The following ESCO1 variants were observed in gnomAD, a reference collection of about 807,000 sequenced individuals.
ESCO1 encodes N-acetyltransferase ESCO1.
Under a neutral mutation model 83.5 loss-of-function variants are expected in ESCO1, and 33 were observed. The ratio of observed to expected loss-of-function variants is 0.40; its 90% confidence interval spans 0.30 to 0.53. The LOEUF (loss-of-function observed/expected upper bound fraction) is 0.53, where lower values mean the gene tolerates loss of function less well. Among genes scored for constraint, ESCO1 ranks in the 20% least tolerant of loss-of-function variants. ESCO1 has a pLI of 0.63. For synonymous variants in ESCO1, 332 were observed against 324.3 expected (o/e 1.02, Z -0.25); for missense variants, 855 against 968.0 (o/e 0.88, Z 1.55).
intron 8 of ESCO1, among the ~76,000 whole-genome samples, chr18:21,552,446 C>T (rs1335912200): frequency 6.6e-6 from 1 of 152,156 alleles, no homozygotes; most frequent in African/African-American, 2.4e-5. Flanking sequence ...TCCCCGTTTG[C>T]TCGGCACTTC....
intron 7 of ESCO1, among the ~76,000 whole-genome samples, chr18:21,561,268 T>C (rs1342571761): frequency 1.3e-5 from 2 of 152,148 alleles, no homozygotes; most frequent in African/African-American, 2.4e-5. Context: ...AAGCCCCAAA[T>C]AGGAAATACT....
intron 1 of ESCO1, among the ~76,000 whole-genome samples, chr18:21,589,800 G>C (rs2038637138): frequency 6.6e-6 from 1 of 151,798 alleles, no homozygotes; most frequent in Admixed American, 6.6e-5. Context: ...AATTTGCACA[G>C]ATCCATTCCC....
intron 1 of ESCO1, among the ~76,000 whole-genome samples, chr18:21,596,571 G>A (rs376824116): frequency 1.4e-4 from 21 of 151,982 alleles, no homozygotes; most frequent in African/African-American, 4.3e-4. Context: ...GGTGTCTCAC[G>A]CCTGTAATCC....
chr18:21,553,998 C>T (rs2038081086), intron 8 of ESCO1, among the ~76,000 whole-genome samples: 1 of 151,688 alleles, frequency 6.6e-6, no homozygotes, highest in Non-Finnish European at 1.5e-5. Flanking sequence ...GGGCAAAGGA[C>T]CTCACCTAAG....
intron 1 of ESCO1, among the ~76,000 whole-genome samples, chr18:21,587,472 T>A (rs2038598205): frequency 1.3e-5 from 2 of 152,220 alleles, no homozygotes; most frequent in South Asian, 4.1e-4. Context: ...TGAGTCAGTT[T>A]ATAAGAACTT....
At chr18:21,562,938 C>A (rs972696502) in intron 7 of ESCO1, among the ~76,000 whole-genome samples, 1 of 149,080 alleles carries the variant, frequency 6.7e-6, no homozygotes, top group African/African-American at 2.5e-5. Context: ...ATGGCATGAT[C>A]TCAGCTCACC....
intron 10 of ESCO1, among the ~76,000 whole-genome samples, chr18:21,534,175 C>T (rs965033452): frequency 3.9e-5 from 6 of 152,224 alleles, no homozygotes; most frequent in African/African-American, 1.4e-4. Context: ...AAGCATACAT[C>T]TGTGCAAGCA....
intron 1 of ESCO1, among the ~76,000 whole-genome samples, chr18:21,593,804 C>A (rs1448605073): frequency 1.4e-5 from 1 of 69,782 alleles, no homozygotes; most frequent in African/African-American, 5.5e-5. Flanking sequence ...GCCACAGGCA[C>A]CTCCTTTAAA....
intron 1 of ESCO1, among the ~76,000 whole-genome samples, chr18:21,595,207 C>T (rs146892615): frequency 6.6e-6 from 1 of 151,780 alleles, no homozygotes; most frequent in East Asian, 1.9e-4. Context: ...AGGCATATTC[C>T]CACCCTCAAA....
At position 21,532,522 on chromosome 18, in the gene ESCO1, T is replaced by C. The variant is rs2037780226; in HGVS notation, c.2326A>G (p.Ser776Gly). ...GCAATTTTCTTCCGACGCATCATGC[T>C]GAATACCCATATTCGACTGATCCCG... is the stretch of plus-strand genomic sequence containing the variant. Reference protein sequence around the residue: ...ICGISRIWVFSMMRRKKIASR... With the variant: ...ICGISRIWVFGMMRRKKIASR... Residue 776 changes from serine to glycine, a missense_variant, in exon 11 of 12, where the codon AGC (serine) becomes GGC (glycine). This residue lies in a region of ESCO1 where 129 missense variants were observed against 268.5 expected (regional missense o/e 0.48). Transcript: ENST00000269214. 6.8e-6 allele frequency: 11 copies of C among 1,613,948 alleles called. No homozygotes were observed. Among genetic ancestry groups the C allele is most frequent in the Non-Finnish European group, 9.3e-6 (11 of 1,179,922 alleles).
chr18:21,561,972 G>A (rs1222874268), intron 7 of ESCO1, among the ~76,000 whole-genome samples: 2 of 151,438 alleles, frequency 1.3e-5, no homozygotes, highest in African/African-American at 4.9e-5. Context: ...TCCCACTCCT[G>A]GGTTCAAGCG....
chr18:21,592,770 C>T (rs1431869227), intron 1 of ESCO1, among the ~76,000 whole-genome samples: 1 of 148,658 alleles, frequency 6.7e-6, no homozygotes, highest in African/African-American at 2.5e-5. Flanking sequence ...GGCTGCCGGG[C>T]GGAGGGGCTC....
intron 8 of ESCO1, among the ~76,000 whole-genome samples, chr18:21,550,949 A>G (rs1349486558): frequency 6.6e-6 from 1 of 151,626 alleles, no homozygotes; most frequent in African/African-American, 2.4e-5. Flanking sequence ...CGCCTCTACT[A>G]AAAATACAAA....
At chr18:21,593,792 T>C (rs1463547074) in intron 1 of ESCO1, among the ~76,000 whole-genome samples, 2 of 142,908 alleles carry the variant, frequency 1.4e-5, no homozygotes, top group African/African-American at 5.3e-5. Context: ...AAACCTGCCA[T>C]GGCCACAGGC....
At chr18:21,583,288 C>T (rs2038528468) in intron 2 of ESCO1, among the ~76,000 whole-genome samples, 1 of 151,964 alleles carries the variant, frequency 6.6e-6, no homozygotes, top group Admixed American at 6.6e-5. Context: ...AGAGTACATA[C>T]TGTATGATTC....
At chr18:21,566,815 G>A (rs1443924710) in intron 5 of ESCO1, among the ~76,000 whole-genome samples, 6 of 150,294 alleles carry the variant, frequency 4.0e-5, no homozygotes, top group East Asian at 2.0e-4. Context: ...AGCTGAGATC[G>A]CGCCACTGCA....
chr18:21,567,167 G>GT (rs2038273609), intron 5 of ESCO1, among the ~76,000 whole-genome samples: 1 of 151,578 alleles, frequency 6.6e-6, no homozygotes, highest in Admixed American at 6.6e-5. Context: ...TTTTCTTTTG[G>GT]TTTTTTGGTT....
At chr18:21,566,712 A>T (rs1208792013) in intron 5 of ESCO1, among the ~76,000 whole-genome samples, 1 of 151,852 alleles carries the variant, frequency 6.6e-6, no homozygotes, top group Admixed American at 6.6e-5. Context: ...AATACAAAAT[A>T]AGCCGGGTGT....
chr18:21,559,364 C>T (rs1344444245), intron 8 of ESCO1, among the ~76,000 whole-genome samples: 1 of 152,128 alleles, frequency 6.6e-6, no homozygotes, highest in Non-Finnish European at 1.5e-5. Context: ...TGCAAGAGAG[C>T]CAGAATGTGT....
Sources: gnomAD v4.1 joint callset for allele counts (sites outside exome capture counted in the v4.1 genomes callset) on GRCh38, gnomAD v4.1.1 for gene constraint, gnomAD v4.1.1 regional missense constraint, MANE v1.5 for transcripts, NCBI Gene and HGNC (gene_info 2026-07-23, HGNC 2026-07-21) for gene names.